XKR6: variants seen among roughly 807,000 people sequenced by gnomAD.
The protein encoded by XKR6 is XK-related protein 6.
A neutral mutation model predicts 56.7 loss-of-function variants in XKR6; 22 were observed. That is an observed-to-expected ratio of 0.39 (90% CI 0.28 to 0.55). XKR6 has a LOEUF of 0.55. Ranked by LOEUF, XKR6 falls within the 20% of genes least tolerant of loss-of-function variation. The pLI is 0.66. For synonymous variants in XKR6, 524 were observed against 387.8 expected (o/e 1.35, Z -4.13); for missense variants, 852 against 889.0 (o/e 0.96, Z 0.53).
intron 1 of XKR6, among the ~76,000 whole-genome samples, chr8:11,001,712 C>T (rs1033239813): frequency 2.0e-5 from 3 of 152,208 alleles, no homozygotes; most frequent in Non-Finnish European, 4.4e-5. Context: ...GAGAGAGCCC[C>T]ATGTGTTAAT....
intron 1 of XKR6, among the ~76,000 whole-genome samples, chr8:11,039,314 T>C (rs1052003899): frequency 8.5e-5 from 13 of 152,112 alleles, no homozygotes; most frequent in Admixed American, 2.0e-4. Flanking sequence ...AGAGGGGGGA[T>C]TGAGGCCCTG....
At chr8:11,114,002 G>A in intron 1 of XKR6, 1 of 395,686 alleles carries the variant, frequency 2.5e-6, no homozygotes, top group South Asian at 1.9e-5. Flanking sequence ...AGTGGTTTCA[G>A]GACGAGGCGA....
intron 1 of XKR6, among the ~76,000 whole-genome samples, chr8:11,182,093 C>G (rs559667009): frequency 6.6e-6 from 1 of 152,290 alleles, no homozygotes; most frequent in African/African-American, 2.4e-5. Context: ...CCTCATCTTT[C>G]TAACCAAAAT....
chr8:10,914,001 G>A (rs1800484202), intron 2 of XKR6, among the ~76,000 whole-genome samples: 1 of 152,180 alleles, frequency 6.6e-6, no homozygotes, highest in African/African-American at 2.4e-5. Context: ...ACTCTCCTTT[G>A]GTCAGGTCCG....
At chr8:11,170,455 G>T (rs1460177484) in intron 1 of XKR6, among the ~76,000 whole-genome samples, 3 of 152,130 alleles carry the variant, frequency 2.0e-5, no homozygotes, top group Non-Finnish European at 4.4e-5. Flanking sequence ...AATCACAAAA[G>T]ACCACATTCT....
intron 1 of XKR6, among the ~76,000 whole-genome samples, chr8:11,025,079 G>C (rs1001523549): frequency 1.3e-5 from 2 of 152,284 alleles, no homozygotes; most frequent in Admixed American, 6.5e-5. Flanking sequence ...ATCTTTCTAC[G>C]AGGCCTTGGA....
chr8:10,915,725 T>C (rs962811702), intron 2 of XKR6, among the ~76,000 whole-genome samples: 2 of 152,200 alleles, frequency 1.3e-5, no homozygotes, highest in East Asian at 3.9e-4. Context: ...GGACTTGCTA[T>C]AGACGCCAAG....
intron 1 of XKR6, among the ~76,000 whole-genome samples, chr8:10,986,701 T>C (rs1356042645): frequency 6.6e-6 from 1 of 152,204 alleles, no homozygotes; most frequent in African/African-American, 2.4e-5. Flanking sequence ...TAGACAATAT[T>C]CCTTTTAATC....
intron 1 of XKR6, among the ~76,000 whole-genome samples, chr8:11,128,438 T>G (rs115439203): frequency 3.9e-5 from 6 of 152,304 alleles, no homozygotes; most frequent in African/African-American, 1.4e-4. Context: ...AACTGCCTAT[T>G]TGATAGCCCA....
At chr8:11,121,412 C>G (rs1799448375) in intron 1 of XKR6, among the ~76,000 whole-genome samples, 1 of 152,190 alleles carries the variant, frequency 6.6e-6, no homozygotes. Flanking sequence ...GACATTTATG[C>G]AGCCAAAAAA....
At chr8:11,012,932 G>T (rs762595324) in intron 1 of XKR6, among the ~76,000 whole-genome samples, 1 of 152,160 alleles carries the variant, frequency 6.6e-6, no homozygotes. Flanking sequence ...GAAAAAGGTG[G>T]TGTCTTGCCA....
At chr8:11,088,402 T>C (rs1466842316) in intron 1 of XKR6, among the ~76,000 whole-genome samples, 1 of 152,196 alleles carries the variant, frequency 6.6e-6, no homozygotes, top group Non-Finnish European at 1.5e-5. Context: ...ATTTATTTGG[T>C]CCACATCTCA....
intron 1 of XKR6, among the ~76,000 whole-genome samples, chr8:11,084,599 T>C (rs1797824874): frequency 6.6e-6 from 1 of 152,210 alleles, no homozygotes; most frequent in African/African-American, 2.4e-5. Context: ...AAGGTGTAAA[T>C]TTAGAGCTCC....
intron 1 of XKR6, among the ~76,000 whole-genome samples, chr8:11,041,999 C>A (rs1406009417): frequency 2.6e-5 from 4 of 152,172 alleles, no homozygotes; most frequent in Non-Finnish European, 5.9e-5. Context: ...CTCTTCCCAC[C>A]CCACTTGGCC....
chr8:11,137,686 A>T, intron 1 of XKR6: 1 of 455,714 alleles, frequency 2.2e-6, no homozygotes, highest in Non-Finnish European at 4.4e-6. Context: ...CAAGCAGCGG[A>T]GAGTCTGCTG....
chr8:11,003,978 G>A (rs2129143840), intron 1 of XKR6, among the ~76,000 whole-genome samples: 1 of 152,314 alleles, frequency 6.6e-6, no homozygotes, highest in Admixed American at 6.5e-5. Flanking sequence ...AGCAGAGAGT[G>A]GCGAAGGAAG....
At chr8:10,913,296 C>A (rs1020775115) in intron 2 of XKR6, among the ~76,000 whole-genome samples, 1 of 152,110 alleles carries the variant, frequency 6.6e-6, no homozygotes, top group African/African-American at 2.4e-5. Flanking sequence ...CCTCTGTACC[C>A]CCAGAGTCTG....
At chr8:11,122,486 T>C (rs746157611) in intron 1 of XKR6, among the ~76,000 whole-genome samples, 11 of 152,220 alleles carry the variant, frequency 7.2e-5, no homozygotes, top group Non-Finnish European at 1.5e-4. Context: ...CTGCCCAAAA[T>C]GACAGGAGTC....
At chr8:10,986,847 C>A (rs1173407656) in intron 1 of XKR6, among the ~76,000 whole-genome samples, 1 of 151,624 alleles carries the variant, frequency 6.6e-6, no homozygotes, top group Non-Finnish European at 1.5e-5. Context: ...GCAAACATAG[C>A]TCACTGCAGC....
Sources: gnomAD v4.1 joint callset for allele counts (sites outside exome capture counted in the v4.1 genomes callset) on GRCh38, gnomAD v4.1.1 for gene constraint, MANE v1.5 for transcripts, NCBI Gene and HGNC (gene_info 2026-07-23, HGNC 2026-07-21) for gene names.